UPRT: variants seen among roughly 807,000 people sequenced by gnomAD.
UPRT encodes RP11-311P8.3.
In UPRT, 5 loss-of-function variants were observed where a neutral mutation model predicts 22.6. That is an observed-to-expected ratio of 0.22 (90% confidence interval 0.12 to 0.47). The LOEUF (loss-of-function observed/expected upper bound fraction) is 0.47, where lower values mean the gene tolerates loss of function less well. Ranked by LOEUF, UPRT falls within the 20% of genes least tolerant of loss-of-function variation. The probability of loss-of-function intolerance (pLI) is 0.99; values close to 1 mark genes in which losing one functional copy is unlikely to be tolerated. For missense variants in UPRT, 181 were observed against 239.9 expected, an observed-to-expected ratio of 0.75 and a Z score of 1.62; for synonymous variants, 77 against 87.7, an observed-to-expected ratio of 0.88 and a Z score of 0.68.
At chrX:75,259,519 G>C (rs984454153) in intron 4 of UPRT, among the ~76,000 whole-genome samples, 2 of 108,046 alleles carry the variant, frequency 1.9e-5, no homozygotes, top group Non-Finnish European at 3.8e-5. Context: ...AGAGATTGAA[G>C]ACCAACTTAA....
chrX:75,186,583 C>A, intron 4 of UPRT, among the ~76,000 whole-genome samples: 1 of 111,318 alleles, frequency 9.0e-6, no homozygotes, highest in East Asian at 2.8e-4. Context: ...TCCTTGTTGA[C>A]TTTCTGTCTC....
At chrX:75,205,145 T>C (rs968353643) in intron 4 of UPRT, among the ~76,000 whole-genome samples, 3 of 103,960 alleles carry the variant, frequency 2.9e-5, no homozygotes, top group Non-Finnish European at 5.9e-5. Context: ...CCGAGGCGGG[T>C]GGATCATGAG....
chrX:75,211,641 G>A (rs1391622064), intron 4 of UPRT, among the ~76,000 whole-genome samples: 1 of 111,311 alleles, frequency 9.0e-6, no homozygotes, highest in Non-Finnish European at 1.9e-5. Context: ...GAGGGAAGCA[G>A]GGCTAGGAAC....
intron 4 of UPRT, among the ~76,000 whole-genome samples, chrX:75,179,566 G>A (rs1263884501): frequency 1.8e-5 from 2 of 113,296 alleles, no homozygotes; most frequent in African/African-American, 6.4e-5. Context: ...CATGGAGCAG[G>A]GGGTGGTGCT....
chrX:75,253,444 G>C (rs1161390693), intron 4 of UPRT, among the ~76,000 whole-genome samples: 1 of 112,483 alleles, frequency 8.9e-6, no homozygotes, highest in African/African-American at 3.2e-5. Flanking sequence ...GAAATTGAAT[G>C]CTTATACACT....
chrX:75,253,352 A>G (rs1200564473), intron 4 of UPRT, among the ~76,000 whole-genome samples: 1 of 112,367 alleles, frequency 8.9e-6, no homozygotes, highest in East Asian at 2.8e-4. Context: ...AATGAAAACC[A>G]CAATGAGATA....
intron 4 of UPRT, among the ~76,000 whole-genome samples, chrX:75,262,369 C>T (rs930809049): frequency 7.2e-5 from 8 of 111,234 alleles, no homozygotes; most frequent in Non-Finnish European, 1.5e-4. Flanking sequence ...GAAAAAAGTA[C>T]CTCAACTAAT....
intron 4 of UPRT, among the ~76,000 whole-genome samples, chrX:75,250,577 C>A (rs953987962): frequency 1.8e-5 from 2 of 111,193 alleles, no homozygotes; most frequent in African/African-American, 6.5e-5. Flanking sequence ...TAATAGCTTA[C>A]CAACCAAAAC....
At chrX:75,285,238 A>C (rs2082675249) in intron 1 of UPRT, among the ~76,000 whole-genome samples, 1 of 111,657 alleles carries the variant, frequency 9.0e-6, no homozygotes, top group South Asian at 3.8e-4. Context: ...AAGTTGAGAA[A>C]GAAAAACTTC....
intron 4 of UPRT, among the ~76,000 whole-genome samples, chrX:75,218,223 T>C (rs1330334169): frequency 2.7e-5 from 3 of 110,153 alleles, no homozygotes; most frequent in Admixed American, 9.6e-5. Flanking sequence ...AAAAAGTGGG[T>C]GAAGGACATG....
At chrX:75,190,177 T>C (rs2082310116) in intron 4 of UPRT, among the ~76,000 whole-genome samples, 1 of 112,011 alleles carries the variant, frequency 8.9e-6, no homozygotes, top group Non-Finnish European at 1.9e-5. Flanking sequence ...GGCCTGGTGG[T>C]GACAAAATCT....
chrX:75,191,461 A>T (rs1172458010), intron 4 of UPRT, among the ~76,000 whole-genome samples: 1 of 54,323 alleles, frequency 1.8e-5, no homozygotes, highest in Non-Finnish European at 3.9e-5. Context: ...CTGTTCTCAG[A>T]TCTCAAACTC....
chrX:75,200,397 C>T (rs929083077), intron 4 of UPRT, among the ~76,000 whole-genome samples: 1 of 111,127 alleles, frequency 9.0e-6, no homozygotes, highest in Non-Finnish European at 1.9e-5. Context: ...AGTTTGAGAC[C>T]AGCCTGGCCA....
At chrX:75,216,840 C>T (rs948734568) in intron 4 of UPRT, among the ~76,000 whole-genome samples, 3 of 112,106 alleles carry the variant, frequency 2.7e-5, no homozygotes, top group Non-Finnish European at 3.8e-5. Context: ...CTGCAAGCTC[C>T]GCCTCCTGGG....
chrX:75,294,243 T>G (rs2082718013), intron 2 of UPRT, among the ~76,000 whole-genome samples: 1 of 111,306 alleles, frequency 9.0e-6, no homozygotes, highest in Admixed American at 9.6e-5. Context: ...TTTATATTTA[T>G]ATATAGTTTA....
At chrX:75,299,196 A>G (rs2082736095) in intron 4 of UPRT, among the ~76,000 whole-genome samples, 1 of 112,189 alleles carries the variant, frequency 8.9e-6, no homozygotes. Context: ...GAGAGGGGGA[A>G]CAATATACAA....
intron 1 of UPRT, among the ~76,000 whole-genome samples, chrX:75,290,844 T>C (rs986759657): frequency 2.7e-5 from 3 of 110,906 alleles, no homozygotes; most frequent in Non-Finnish European, 5.7e-5. Context: ...AACTGTTGTG[T>C]ACTATACTAA....
intron 4 of UPRT, among the ~76,000 whole-genome samples, chrX:75,171,223 G>A (rs2082226425): frequency 9.0e-6 from 1 of 111,036 alleles, no homozygotes. Context: ...CTTGGGTCTG[G>A]TCATTTAACA....
intron 4 of UPRT, among the ~76,000 whole-genome samples, chrX:75,187,206 A>G (rs1336611697): frequency 9.0e-6 from 1 of 111,337 alleles, no homozygotes; most frequent in African/African-American, 3.3e-5. Flanking sequence ...GAGCTCTTTT[A>G]GGGCAGGCCT....
Sources: gnomAD v4.1 joint callset for allele counts (sites outside exome capture counted in the v4.1 genomes callset) on GRCh38, gnomAD v4.1.1 for gene constraint, MANE v1.5 for transcripts, NCBI Gene and HGNC (gene_info 2026-07-23, HGNC 2026-07-21) for gene names.